Variants in ZBTB7A observed in about 807,000 individuals in gnomAD.
The protein encoded by ZBTB7A is zinc finger and BTB domain-containing protein 7A.
ZBTB7A carries 7 observed loss-of-function variants against 26.7 expected under a neutral mutation model. The observed-to-expected ratio is 0.26, with a 90% CI of 0.15 to 0.49. The LOEUF is 0.49. Among genes scored for constraint, ZBTB7A ranks in the 20% least tolerant of loss-of-function variants. ZBTB7A has a pLI of 0.98. For synonymous variants in ZBTB7A, 452 were observed against 441.0 expected (o/e 1.02, Z -0.31); for missense variants, 617 against 919.5 (o/e 0.67, Z 4.25).
intron 1 of ZBTB7A, among the ~76,000 whole-genome samples, chr19:4,065,939 C>G (rs1281248662): frequency 7.0e-6 from 1 of 143,088 alleles, no homozygotes. Context: ...CGCGCCGCGC[C>G]GCGCGATCGG....
In ZBTB7A at chr19:4,054,863, C is replaced by T. The variant is rs200319230; in HGVS notation, c.370G>A (p.Ala124Thr). The T allele has an allele frequency of 4.3e-6, 7 of 1,609,434 alleles. No individual in the cohort carries two copies. The highest frequency in any genetic ancestry group is 2.7e-5 in the African/African-American group (2 of 74,920). ...AGGATCTGCCGGTCCAGGAGGTCGG[C>T]GCACACGTGGCTCACGGCGGGGATC... ...LEIPAVSHVC[A>T]DLLDRQILAA... The change falls in exon 2 of 3, where the codon GCC becomes ACC. Residue 124 changes from alanine (A) to threonine (T), a missense_variant. By Grantham distance (58) the Ala-to-Thr change is moderately conservative. Around this residue, in one of 5 missense-constraint regions of ZBTB7A, gnomAD observed 82 missense variants for 195.2 expected, o/e 0.42. Transcript: ENST00000322357.
At chr19:4,064,802 G>C (rs980649755) in intron 1 of ZBTB7A, among the ~76,000 whole-genome samples, 4 of 152,276 alleles carry the variant, frequency 2.6e-5, no homozygotes, top group African/African-American at 7.2e-5. Flanking sequence ...CCGCCTGACT[G>C]GGGGGAGAGG....
chr19:4,065,743 C>A (rs1414274963), intron 1 of ZBTB7A: 3 of 140,724 alleles, frequency 2.1e-5, no homozygotes, highest in African/African-American at 7.6e-5. Flanking sequence ...GGGTGACCCC[C>A]CCCCCACGGG....
In ZBTB7A at chr19:4,055,124, C is replaced by T. The variant is rs771593270; in HGVS notation, c.109G>A (p.Val37Met). ...AACTCGCGGCCCTCCACCAGGATCA[C>T]CACGTCGCACAGCAGGCCCTGCGTC... ...QRTQGLLCDV[V>M]ILVEGREFPT... The change falls in exon 2 of 3, where the codon GTG becomes ATG. Residue 37 changes from valine (V) to methionine (M), a missense_variant. Physicochemically the swap from Val to Met is conservative, Grantham distance 21 (BLOSUM62 1). Transcript: ENST00000322357. 1 of 1,609,574 alleles carries T rather than the reference C, an allele frequency of 6.2e-7. No individual in the cohort carries two copies. Among genetic ancestry groups the T allele is most frequent in the Admixed American group, 1.7e-5 (1 of 59,988 alleles).
chr19:4,053,699 G>C (rs2040532669), intron 2 of ZBTB7A, among the ~76,000 whole-genome samples: 1 of 151,196 alleles, frequency 6.6e-6, no homozygotes, highest in African/African-American at 2.4e-5. Flanking sequence ...GTGTGCGTCT[G>C]TGTGTGTGCA....
At chr19:4,065,983 C>A (rs2040692402) in intron 1 of ZBTB7A, among the ~76,000 whole-genome samples, 1 of 147,968 alleles carries the variant, frequency 6.8e-6, no homozygotes, top group East Asian at 2.0e-4. Flanking sequence ...CCGCCGCTCA[C>A]CGCCCCTCCT....
intron 2 of ZBTB7A, among the ~76,000 whole-genome samples, chr19:4,050,399 T>G (rs1052300564): frequency 6.6e-6 from 1 of 152,202 alleles, no homozygotes; most frequent in Non-Finnish European, 1.5e-5. Flanking sequence ...GTTTCTCCTC[T>G]GTCTCCCTGA....
chr19:4,051,003 C>G (rs1237960170), intron 2 of ZBTB7A, among the ~76,000 whole-genome samples: 1 of 141,070 alleles, frequency 7.1e-6, no homozygotes, highest in Non-Finnish European at 1.5e-5. Context: ...GAAGCTGAGG[C>G]AGGAGAATCG....
At chr19:4,049,206 A>ATATATG (rs2040470119) in intron 2 of ZBTB7A, among the ~76,000 whole-genome samples, 1 of 46,446 alleles carries the variant, frequency 2.2e-5, no homozygotes, top group Non-Finnish European at 6.0e-5. Flanking sequence ...ATATATATAT[A>ATATATG]TATGTAAGTT....
chr19:4,047,828 C>T lies in ZBTB7A; in HGVS notation c.1679G>A (p.Gly560Asp). Residue 560 changes from glycine (G) to aspartate (D), a missense_variant, in exon 3 of 3, where the codon GGC (glycine) becomes GAC (aspartate). Gly to Asp is a moderately conservative substitution (Grantham distance 94). This residue lies in a region of ZBTB7A where 136 missense variants were observed against 126.6 expected (regional missense o/e 1.07). Transcript: ENST00000322357. ...TCCGCTGTCACCTCCTCCACCGGCG[C>T]CCGCTACATTCAACCGGCCCAAGCC... is the stretch of plus-strand genomic sequence containing the variant. ...PDGLGRLNVA[G>D]AGGGGDSGGG... 1.2e-6 allele frequency: 2 copies of T among 1,605,898 alleles called. No individual in the cohort carries two copies. The highest frequency in any genetic ancestry group is 1.7e-6 in the Non-Finnish European group (2 of 1,176,856).
chr19:4,049,641 G>A (rs1216018583), intron 2 of ZBTB7A, among the ~76,000 whole-genome samples: 1 of 151,982 alleles, frequency 6.6e-6, no homozygotes. Context: ...CCCTCTGTCC[G>A]GGACAAAGTG....
At chr19:4,065,886 G>T (rs1043069242) in intron 1 of ZBTB7A, among the ~76,000 whole-genome samples, 1 of 143,322 alleles carries the variant, frequency 7.0e-6, no homozygotes, top group African/African-American at 2.5e-5. Flanking sequence ...GGCGAGGGGA[G>T]CCCGGCTCCA....
At chr19:4,059,742 C>T (rs934963233) in intron 1 of ZBTB7A, among the ~76,000 whole-genome samples, 26 of 151,872 alleles carry the variant, frequency 1.7e-4, no homozygotes, top group Admixed American at 7.9e-4. Context: ...AGCCACCTGC[C>T]GGCCACGCCC....
intron 1 of ZBTB7A, among the ~76,000 whole-genome samples, chr19:4,061,164 TCAC>T (rs2040633937): frequency 6.6e-6 from 1 of 152,190 alleles, no homozygotes; most frequent in Non-Finnish European, 1.5e-5. Flanking sequence ...GCCAGGCTGT[TCAC>T]CACCCCTCAC....
intron 1 of ZBTB7A, among the ~76,000 whole-genome samples, chr19:4,055,919 G>A (rs1283463619): frequency 4.6e-5 from 7 of 152,156 alleles, no homozygotes; most frequent in East Asian, 1.9e-4. Flanking sequence ...CACGGCACCC[G>A]GCCAAGACTG....
intron 1 of ZBTB7A, 53 bp from the exon 2 acceptor site, chr19:4,055,300 T>G (rs1218609742): frequency 5.6e-6 from 8 of 1,430,508 alleles, no homozygotes; most frequent in Admixed American, 3.0e-5. Context: ...CGGGGGTTCC[T>G]GTGCCCACTG....
rs2040395054 is a variant in ZBTB7A, at chr19:4,044,855, A to G, written c.*2897T>C. 6.6e-6 allele frequency: 1 copy of G among 152,090 alleles called. No homozygotes were observed. Among genetic ancestry groups the G allele is most frequent in the Non-Finnish European group, 1.5e-5 (1 of 68,002 alleles). The allele number at this position is 152,090 out of a possible 1,614,324, so 9.4% of individuals were successfully genotyped here. On this transcript the variant is annotated 3_prime_UTR_variant, in exon 3 of 3. Transcript: ENST00000322357. The stretch of plus-strand genomic sequence containing the variant: ...TTGTTTGTTTGTTTCCTGAAACGCG[A>G]GAATTCAGCAGGTATCTTTGGCAAC...
chr19:4,046,623 T>C lies in ZBTB7A; in HGVS notation c.*1129A>G, dbSNP rs2040423227. ...TTGTAAAACCTTTTTTTTTTCTAGTTTGTTTTATTGCTTTTGTGACATTGG... is the reference window on the plus strand; with the variant it reads ...TTGTAAAACCTTTTTTTTTTCTAGTCTGTTTTATTGCTTTTGTGACATTGG... On this transcript the variant is annotated 3_prime_UTR_variant, in exon 3 of 3. Coordinates refer to ENST00000322357, the MANE Select transcript of ZBTB7A (RefSeq NM_015898.4). The C allele has an allele frequency of 1.3e-5, 2 of 150,866 alleles. No individual in the cohort carries two copies. Among genetic ancestry groups the C allele is most frequent in the African/African-American group, 4.9e-5 (2 of 41,138 alleles). The allele number at this position is 150,866 out of a possible 1,614,324, so 9.3% of individuals were successfully genotyped here. A position where few individuals can be genotyped will look rare whatever the true frequency, so the allele number is the denominator to read the frequency against.
In ZBTB7A at chr19:4,046,568, G is replaced by C. The variant is rs2040421874; in HGVS notation, c.*1184C>G. ...AGTGCCAAGACTTCTAATGTGGTTGGTTGCCTTTTTTTTTTTCCTTCCTTT... is the reference window on the plus strand; with the variant it reads ...AGTGCCAAGACTTCTAATGTGGTTGCTTGCCTTTTTTTTTTTCCTTCCTTT... On this transcript the variant is annotated 3_prime_UTR_variant, in exon 3 of 3. Transcript: ENST00000322357. The C allele has an allele frequency of 7.0e-6, 1 of 143,786 alleles. No individual in the cohort carries two copies. The highest frequency in any genetic ancestry group is 6.8e-5 in the Admixed American group (1 of 14,670). 8.9% of individuals were successfully genotyped at this position (143,786 alleles called of 1,614,324 possible).
Sources: gnomAD v4.1 joint callset for allele counts (sites outside exome capture counted in the v4.1 genomes callset) on GRCh38, gnomAD v4.1.1 for gene constraint, gnomAD v4.1.1 regional missense constraint, MANE v1.5 for transcripts, NCBI Gene and HGNC (gene_info 2026-07-23, HGNC 2026-07-21) for gene names.